The following EFNB2 variants were observed in gnomAD, a reference collection of about 807,000 sequenced individuals.
EFNB2 encodes ephrin B2.
Under a neutral mutation model 32.1 loss-of-function variants are expected in EFNB2, and 5 were observed. The observed-to-expected ratio is 0.16, with a 90% CI of 0.08 to 0.33. EFNB2 has a LOEUF of 0.33. Ranked by LOEUF, EFNB2 falls within the 10% of genes least tolerant of loss-of-function variation. The pLI is 1.00. For missense variants in EFNB2, 263 were observed against 422.6 expected (o/e 0.62, Z 3.31); for synonymous variants, 168 against 166.5 (o/e 1.01, Z -0.07).
chr13:106,509,945 T>G (rs1879085101), intron 2 of EFNB2: 1 of 152,156 alleles, frequency 6.6e-6, no homozygotes, highest in Non-Finnish European at 1.5e-5. Context: ...CTGCTGAAAG[T>G]CTCAACTGGA....
chr13:106,532,180 C>CAGG (rs1456799118), intron 1 of EFNB2, among the ~76,000 whole-genome samples: 1 of 152,040 alleles, frequency 6.6e-6, no homozygotes, highest in African/African-American at 2.4e-5. Context: ...TTTCAGCACG[C>CAGG]AGGACATCTT....
intron 1 of EFNB2, chr13:106,519,753 A>G (rs572885103): frequency 6.6e-6 from 1 of 152,336 alleles, no homozygotes; most frequent in South Asian, 2.1e-4. Flanking sequence ...AATGATTTTT[A>G]GCTTTCTGTG....
chr13:106,496,495 C>T (rs1037399740), intron 2 of EFNB2, among the ~76,000 whole-genome samples: 2 of 152,210 alleles, frequency 1.3e-5, no homozygotes, highest in Non-Finnish European at 2.9e-5. Context: ...ACCTCTTCAA[C>T]CAAACTACCT....
At chr13:106,499,878 G>A (rs1048085994) in intron 2 of EFNB2, among the ~76,000 whole-genome samples, 2 of 152,150 alleles carry the variant, frequency 1.3e-5, no homozygotes, top group East Asian at 3.9e-4. Context: ...TCACTACATT[G>A]TTCCCCCCAG....
chr13:106,509,267 G>A (rs1381511950), intron 2 of EFNB2, among the ~76,000 whole-genome samples: 4 of 152,090 alleles, frequency 2.6e-5, no homozygotes, highest in Non-Finnish European at 5.9e-5. Flanking sequence ...AGTCCCTCTG[G>A]ACTACTCCTC....
At chr13:106,532,788 A>G (rs1879919689) in intron 1 of EFNB2, among the ~76,000 whole-genome samples, 2 of 147,092 alleles carry the variant, frequency 1.4e-5, no homozygotes, top group African/African-American at 2.5e-5. Flanking sequence ...GTCTGGACAT[A>G]GCTGGAAAGA....
chr13:106,496,016 A>G (rs1878577271), intron 2 of EFNB2, among the ~76,000 whole-genome samples, 176 bp from the exon 3 acceptor site: 1 of 152,184 alleles, frequency 6.6e-6, no homozygotes, highest in African/African-American at 2.4e-5. Flanking sequence ...AAAGAAAAAG[A>G]AATAAAGAGA....
At position 106,535,600 on chromosome 13, in the gene EFNB2, A is replaced by T; in HGVS notation, c.-636T>A. ...CTTTGTGTGCGGGGAGGGCGCCGGG[A>T]CCCGCTGCGTGCGCAGCTCCTCGCT... On this transcript the variant is annotated 5_prime_UTR_variant, in exon 1 of 5. Transcript: ENST00000646441. 6.7e-6 allele frequency: 1 copy of T among 149,664 alleles called. No individual in the cohort carries two copies. The highest frequency in any genetic ancestry group is 1.5e-5 in the Non-Finnish European group (1 of 67,242). The allele number at this position is 149,664 out of a possible 1,614,324, so 9.3% of individuals were successfully genotyped here. A position where few individuals can be genotyped will look rare whatever the true frequency, so the allele number is the denominator to read the frequency against.
Position 106,512,736 on chromosome 13 carries a change from A to C in EFNB2, c.199T>G (p.Ser67Ala). The C allele has an allele frequency of 1.2e-6, 2 of 1,613,822 alleles. No homozygotes were observed. The highest frequency in any genetic ancestry group is 1.7e-6 in the Non-Finnish European group (2 of 1,179,858). Residue 67 changes from serine (S) to alanine (A), a missense_variant, in exon 2 of 5, where the codon TCT (serine) becomes GCT (alanine). Coordinates refer to ENST00000646441, the MANE Select transcript of EFNB2 (RefSeq NM_004093.4). ...KLDIICPKVD[S>A]KTVGQYEYYK... Reference sequence around the variant, plus strand: ...TATTCATACTGGCCAACAGTTTTAGAGTCCACTTTGGGGCAAATAATATCC... The same window carrying C: ...TATTCATACTGGCCAACAGTTTTAGCGTCCACTTTGGGGCAAATAATATCC...
At chr13:106,501,534 T>C (rs1053292796) in intron 2 of EFNB2, among the ~76,000 whole-genome samples, 1 of 152,170 alleles carries the variant, frequency 6.6e-6, no homozygotes, top group Non-Finnish European at 1.5e-5. Context: ...GCAAGTTTTA[T>C]GGTATACTTT....
Position 106,492,492 on chromosome 13 carries a change from G to A in EFNB2, c.*548C>T, listed in dbSNP as rs1445683790. On this transcript the variant is annotated 3_prime_UTR_variant, in exon 5 of 5. Coordinates refer to ENST00000646441, the MANE Select transcript of EFNB2 (RefSeq NM_004093.4). This position sits in a 1 kb window ranked among gnomAD's most constrained non-coding sequence, Gnocchi z 5.1. ...GTTCCATGAGTGATGCAGATGTGGAGTGGAGGTCTCAGGTGAGGTGCTGCA... is the reference window on the plus strand; with the variant it reads ...GTTCCATGAGTGATGCAGATGTGGAATGGAGGTCTCAGGTGAGGTGCTGCA... 2 of 154,456 alleles carry A rather than the reference G, an allele frequency of 1.3e-5. No homozygotes were observed. Among genetic ancestry groups the A allele is most frequent in the African/African-American group, 4.8e-5 (2 of 41,482 alleles). The allele number at this position is 154,456 out of a possible 1,614,324, so 9.6% of individuals were successfully genotyped here.
In EFNB2 at chr13:106,493,163, T is replaced by C; in HGVS notation, c.879A>G (p.Leu293=). ...GGCAGAAGACGCTGTCCGCAGTCCT[T>C]AGCGGGATGATAATGTCACTGGGCT... is the stretch of plus-strand genomic sequence containing the variant. The part of the protein sequence containing the change: ...GSEPSDIIIP[L]RTADSVFCPH... The change falls in exon 5 of 5, where the codon CTA becomes CTG. Residue 293 remains leucine, a synonymous_variant. Transcript: ENST00000646441. The surrounding 1 kb of genome is among the most constrained non-coding windows in gnomAD (Gnocchi z 6.1). 1 of 1,614,140 alleles carries C rather than the reference T, an allele frequency of 6.2e-7. No individual in the cohort carries two copies. The highest frequency in any genetic ancestry group is 8.5e-7 in the Non-Finnish European group (1 of 1,180,030).
intron 2 of EFNB2, among the ~76,000 whole-genome samples, chr13:106,497,136 C>T (rs541359687): frequency 6.6e-6 from 1 of 152,260 alleles, no homozygotes; most frequent in South Asian, 2.1e-4. Flanking sequence ...AATATGCATT[C>T]CACTGAAATT....
At chr13:106,507,484 TTTGA>T (rs1255741933) in intron 2 of EFNB2, among the ~76,000 whole-genome samples, 1 of 152,200 alleles carries the variant, frequency 6.6e-6, no homozygotes. Context: ...GTTCTTCTGC[TTTGA>T]TTCTTTAAGA....
intron 1 of EFNB2, among the ~76,000 whole-genome samples, chr13:106,532,464 G>A (rs1229326347): frequency 6.6e-6 from 1 of 152,122 alleles, no homozygotes; most frequent in Non-Finnish European, 1.5e-5. Flanking sequence ...CATATTTACC[G>A]ATTCAAACTT....
chr13:106,533,665 C>T (rs912165164), intron 1 of EFNB2, among the ~76,000 whole-genome samples: 1 of 152,158 alleles, frequency 6.6e-6, no homozygotes, highest in East Asian at 1.9e-4. Flanking sequence ...ATCAATCCCC[C>T]ATTTCTTTTC....
chr13:106,501,066 T>C (rs955031924), intron 2 of EFNB2, among the ~76,000 whole-genome samples: 17 of 152,334 alleles, frequency 1.1e-4, no homozygotes, highest in Non-Finnish European at 2.4e-4. Flanking sequence ...AGCTAAGATT[T>C]ATCTATTTAA....
intron 1 of EFNB2, chr13:106,521,343 T>C (rs1879512897): frequency 2.0e-5 from 3 of 152,276 alleles, no homozygotes; most frequent in Non-Finnish European, 2.9e-5. Context: ...CAAACCAGTT[T>C]AGCAACTCTT....
chr13:106,528,480 A>AAAC (rs1041659594), intron 1 of EFNB2, among the ~76,000 whole-genome samples: 1 of 148,224 alleles, frequency 6.7e-6, no homozygotes, highest in South Asian at 2.2e-4. Context: ...TAAAAAAAAA[A>AAAC]AACAACAACA....
Sources: gnomAD v4.1 joint callset for allele counts (sites outside exome capture counted in the v4.1 genomes callset) on GRCh38, gnomAD v4.1.1 for gene constraint, Gnocchi (gnomAD v3.1) non-coding constraint, MANE v1.5 for transcripts, NCBI Gene and HGNC (gene_info 2026-07-23, HGNC 2026-07-21) for gene names.